Variants in TRPC4AP observed in about 807,000 individuals in gnomAD.
The protein encoded by TRPC4AP is transient receptor potential cation channel subfamily C member 4 associated protein.
Under a neutral mutation model 99.0 loss-of-function variants are expected in TRPC4AP, and 45 were observed. That is an observed-to-expected ratio of 0.45 (90% CI 0.36 to 0.58). The LOEUF (loss-of-function observed/expected upper bound fraction) is 0.58. TRPC4AP is among the 20% of genes least tolerant of loss of function. TRPC4AP has a pLI of 0.00. For synonymous variants in TRPC4AP, 408 were observed against 385.8 expected, an observed-to-expected ratio of 1.06 and a Z score of -0.67; for missense variants, 879 against 985.3, an observed-to-expected ratio of 0.89 and a Z score of 1.44.
At chr20:35,025,662 A>C (rs914013096) in intron 8 of TRPC4AP, among the ~76,000 whole-genome samples, 2 of 152,026 alleles carry the variant, frequency 1.3e-5, no homozygotes, top group Non-Finnish European at 1.5e-5. Context: ...CCCTTATTAG[A>C]TATATTATTT....
chr20:35,010,113 T>C (rs1429958229), intron 12 of TRPC4AP, 74 bp downstream of exon 12: 1 of 1,236,412 alleles, frequency 8.1e-7, no homozygotes, highest in Non-Finnish European at 1.2e-6. Flanking sequence ...TACCTGGATG[T>C]GCTCACCGGT....
intron 11 of TRPC4AP, among the ~76,000 whole-genome samples, chr20:35,012,052 G>A (rs767365978): frequency 1.3e-5 from 2 of 152,230 alleles, no homozygotes; most frequent in African/African-American, 2.4e-5. Flanking sequence ...TACTCAGACT[G>A]AAGAGTCTGA....
intron 1 of TRPC4AP, among the ~76,000 whole-genome samples, chr20:35,086,630 A>G (rs1228936329): frequency 6.6e-6 from 1 of 151,550 alleles, no homozygotes; most frequent in Non-Finnish European, 1.5e-5. Flanking sequence ...GTATCAAATT[A>G]CCTTTGAAAA....
chr20:35,087,591 G>GT (rs1244875073), intron 1 of TRPC4AP, among the ~76,000 whole-genome samples: 1 of 152,018 alleles, frequency 6.6e-6, no homozygotes, highest in African/African-American at 2.4e-5. Flanking sequence ...CCTTCAACTC[G>GT]TACTGATCAT....
chr20:35,087,207 C>T (rs1341867463), intron 1 of TRPC4AP, among the ~76,000 whole-genome samples: 6 of 149,602 alleles, frequency 4.0e-5, no homozygotes, highest in Admixed American at 1.3e-4. Context: ...GGCGTGGTGG[C>T]GGGCACCTGT....
At chr20:35,086,485 GTA>G (rs151331360) in intron 1 of TRPC4AP, among the ~76,000 whole-genome samples, 21,219 of 125,096 alleles carry the variant, frequency 0.17, 3,467 homozygotes, top group African/African-American at 0.35. Flanking sequence ...GTATGTGTGT[GTA>G]TATATATATG....
intron 8 of TRPC4AP, among the ~76,000 whole-genome samples, chr20:35,032,180 A>G (rs1233538511): frequency 6.6e-6 from 1 of 151,868 alleles, no homozygotes; most frequent in Admixed American, 6.6e-5. Context: ...GTGCACCACC[A>G]TGGCCATCTA....
At position 35,003,083 on chromosome 20, in the gene TRPC4AP, G is replaced by C. The variant is rs201093403; in HGVS notation, c.*63C>G. On this transcript the variant is annotated 3_prime_UTR_variant, in exon 19 of 19. Coordinates refer to ENST00000252015, the MANE Select transcript of TRPC4AP (RefSeq NM_015638.3). The stretch of plus-strand genomic sequence containing the variant: ...GGGAGGAACGGGAACAGGGCAGGGC[G>C]TGTGGCATCGTACCCACGCTCACCC... 6.3e-7 allele frequency: 1 copy of C among 1,599,396 alleles called. No homozygotes were observed. Among genetic ancestry groups the C allele is most frequent in the East Asian group, 2.2e-5 (1 of 44,736 alleles).
Position 35,049,999 on chromosome 20 carries a change from C to T in TRPC4AP, c.529-5G>A, listed in dbSNP as rs776135546. On this transcript the variant is annotated splice_polypyrimidine_tract_variant and splice_region_variant and intron_variant, in intron 5 of 18. Coordinates refer to ENST00000252015, the MANE Select transcript of TRPC4AP (RefSeq NM_015638.3). ...ACGCTTTGTAACTCCCTCTGTCTGTCACAAGAAGAAAAGGCAGAATAGGTT... is the reference window on the plus strand; with the variant it reads ...ACGCTTTGTAACTCCCTCTGTCTGTTACAAGAAGAAAAGGCAGAATAGGTT... The T allele has an allele frequency of 2.5e-6, 4 of 1,612,298 alleles. No homozygotes were observed. The South Asian group carries it at 4.4e-5, about 18-fold the overall frequency.
chr20:35,003,637 A>G, intron 17 of TRPC4AP, 21 bp from the exon 18 acceptor site: 2 of 1,607,968 alleles, frequency 1.2e-6, no homozygotes, highest in Non-Finnish European at 8.5e-7. Flanking sequence ...ACAGGCCCAC[A>G]GGGTCAGGGG....
intron 14 of TRPC4AP, among the ~76,000 whole-genome samples, chr20:35,007,040 T>C (rs1158421859): frequency 1.3e-5 from 2 of 152,242 alleles, no homozygotes; most frequent in South Asian, 2.1e-4. Context: ...TACACCAAAA[T>C]ACTGAGTTTT....
At chr20:35,084,630 ATG>A (rs1235432661) in intron 1 of TRPC4AP, among the ~76,000 whole-genome samples, 43 of 115,538 alleles carry the variant, frequency 3.7e-4, no homozygotes, top group African/African-American at 1.4e-3. Context: ...ATATGCATAT[ATG>A]TGTATATGTA....
chr20:35,034,716 T>C (rs539532617), intron 8 of TRPC4AP, among the ~76,000 whole-genome samples: 4 of 152,244 alleles, frequency 2.6e-5, no homozygotes, highest in South Asian at 2.1e-4. Context: ...AGTCTTCTTA[T>C]TTAATAGGCA....
intron 11 of TRPC4AP, 121 bp from the exon 12 acceptor site, chr20:35,010,409 C>A (rs772266872): frequency 7.7e-5 from 59 of 761,478 alleles, no homozygotes; most frequent in Non-Finnish European, 1.3e-4. Flanking sequence ...AGCCACCAGG[C>A]ACTTTCCTCT....
chr20:35,016,494 C>A (rs1358556008), intron 9 of TRPC4AP, among the ~76,000 whole-genome samples: 1 of 152,146 alleles, frequency 6.6e-6, no homozygotes. Context: ...AACTTTGTAA[C>A]CTTAAACAAA....
intron 8 of TRPC4AP, among the ~76,000 whole-genome samples, chr20:35,030,778 G>C (rs774330414): frequency 3.9e-5 from 6 of 152,174 alleles, no homozygotes; most frequent in Non-Finnish European, 7.4e-5. Context: ...TAGATGGTTT[G>C]TGTAAGTTTT....
chr20:35,034,950 G>A (rs908399219), intron 8 of TRPC4AP, among the ~76,000 whole-genome samples, 173 bp downstream of exon 8: 2 of 152,158 alleles, frequency 1.3e-5, no homozygotes, highest in Non-Finnish European at 2.9e-5. Context: ...GTTCAATGAA[G>A]TTTCTGTAAC....
chr20:35,018,779 G>T (rs2147290816), intron 9 of TRPC4AP, among the ~76,000 whole-genome samples: 1 of 152,252 alleles, frequency 6.6e-6, no homozygotes, highest in East Asian at 1.9e-4. Context: ...CACTCTACCA[G>T]AGGAGGCAGC....
intron 3 of TRPC4AP, among the ~76,000 whole-genome samples, chr20:35,068,287 C>T (rs889456667): frequency 3.3e-5 from 5 of 152,122 alleles, no homozygotes; most frequent in Admixed American, 1.3e-4. Context: ...GGTAAACAGA[C>T]GCTCATACTT....
Sources: gnomAD v4.1 joint callset for allele counts (sites outside exome capture counted in the v4.1 genomes callset) on GRCh38, gnomAD v4.1.1 for gene constraint, MANE v1.5 for transcripts, NCBI Gene and HGNC (gene_info 2026-07-23, HGNC 2026-07-21) for gene names.